EPM2A: variants seen among roughly 807,000 people sequenced by gnomAD.
EPM2A encodes laforin.
EPM2A carries 21 observed loss-of-function variants against 26.5 expected under a neutral mutation model. The observed-to-expected ratio is 0.79, with a 90% CI of 0.56 to 1.14. EPM2A has a LOEUF of 1.14. Ranked by LOEUF, EPM2A falls within the 50% of genes most tolerant of loss-of-function variation. The pLI is 0.00. For missense variants in EPM2A, 458 were observed against 440.8 expected (o/e 1.04, Z -0.35); for synonymous variants, 217 against 177.6 (o/e 1.22, Z -1.76).
At chr6:145,453,188 A>G (rs1779218988) in intron 4 of EPM2A, among the ~76,000 whole-genome samples, 1 of 152,226 alleles carries the variant, frequency 6.6e-6, no homozygotes, top group Non-Finnish European at 1.5e-5. Flanking sequence ...CTCACACATT[A>G]TGCCCAGAAC....
intron 1 of EPM2A, among the ~76,000 whole-genome samples, chr6:145,716,041 C>T (rs1775600866): frequency 6.6e-6 from 1 of 152,212 alleles, no homozygotes; most frequent in Non-Finnish European, 1.5e-5. Context: ...TTAGGGACCA[C>T]TGCTTTAAGT....
intron 2 of EPM2A, among the ~76,000 whole-genome samples, chr6:145,529,365 T>C (rs1011766877): frequency 2.0e-5 from 3 of 152,282 alleles, no homozygotes; most frequent in East Asian, 3.9e-4. Flanking sequence ...CACACTTCAC[T>C]ATTGTCTTAT....
intron 4 of EPM2A, among the ~76,000 whole-genome samples, chr6:145,389,156 C>G (rs912767046): frequency 2.3e-4 from 35 of 151,906 alleles, no homozygotes; most frequent in African/African-American, 7.7e-4. Flanking sequence ...ATGCAACCCC[C>G]TCTTCTCCTC....
intron 4 of EPM2A, among the ~76,000 whole-genome samples, chr6:145,414,677 T>G (rs980623791): frequency 4.6e-5 from 7 of 152,084 alleles, no homozygotes; most frequent in Non-Finnish European, 2.9e-5. Context: ...CATCACCATT[T>G]ACTCTCTGTC....
At chr6:145,541,148 A>T (rs1780503668) in intron 2 of EPM2A, among the ~76,000 whole-genome samples, 1 of 147,888 alleles carries the variant, frequency 6.8e-6, no homozygotes, top group Non-Finnish European at 1.5e-5. Flanking sequence ...ACTAAAAATA[A>T]CTTTTTAACT....
intron 2 of EPM2A, among the ~76,000 whole-genome samples, chr6:145,592,894 AAATAACAAGCTGT>A (rs1264902571): frequency 6.6e-6 from 1 of 152,224 alleles, no homozygotes; most frequent in Non-Finnish European, 1.5e-5. Flanking sequence ...TAAAAGATAT[AAATAACAAGCTGT>A]AATAAATAGA....
chr6:145,491,350 G>A (rs1050451834), intron 4 of EPM2A, among the ~76,000 whole-genome samples: 2 of 152,126 alleles, frequency 1.3e-5, no homozygotes, highest in Non-Finnish European at 2.9e-5. Flanking sequence ...CAGGAGTCAG[G>A]GCAAGTGCTT....
chr6:145,610,457 T>G (rs1321403186), intron 2 of EPM2A, among the ~76,000 whole-genome samples: 1 of 152,214 alleles, frequency 6.6e-6, no homozygotes, highest in Non-Finnish European at 1.5e-5. Flanking sequence ...CTTCAAATAT[T>G]GAAAGACTCT....
intron 2 of EPM2A, among the ~76,000 whole-genome samples, chr6:145,599,260 T>C (rs546678263): frequency 6.6e-6 from 1 of 152,184 alleles, no homozygotes; most frequent in Non-Finnish European, 1.5e-5. Flanking sequence ...TGTATGTCTC[T>C]CAGTTTTGAA....
chr6:145,431,641 T>C (rs1281224071), intron 4 of EPM2A, among the ~76,000 whole-genome samples: 2 of 152,200 alleles, frequency 1.3e-5, no homozygotes, highest in Non-Finnish European at 2.9e-5. Context: ...CGAGTAGTAA[T>C]CTTTTTGCAG....
At chr6:145,503,131 T>C (rs982358990) in intron 2 of EPM2A, among the ~76,000 whole-genome samples, 2 of 152,180 alleles carry the variant, frequency 1.3e-5, no homozygotes, top group African/African-American at 4.8e-5. Flanking sequence ...AATGCTAGCA[T>C]TGATATGATA....
At chr6:145,595,607 G>A (rs1781332550) in intron 2 of EPM2A, among the ~76,000 whole-genome samples, 1 of 151,578 alleles carries the variant, frequency 6.6e-6, no homozygotes, top group Non-Finnish European at 1.5e-5. Flanking sequence ...TTTATTTCAT[G>A]GTTTCATTGC....
intron 2 of EPM2A, among the ~76,000 whole-genome samples, chr6:145,576,084 C>T (rs963531080): frequency 1.3e-5 from 2 of 152,196 alleles, no homozygotes; most frequent in African/African-American, 2.4e-5. Flanking sequence ...GATCCACCCA[C>T]CTTGGCTTCC....
At chr6:145,495,221 C>CCCTT (rs1184389062) in intron 4 of EPM2A, among the ~76,000 whole-genome samples, 3 of 152,048 alleles carry the variant, frequency 2.0e-5, no homozygotes, top group Admixed American at 6.5e-5. Flanking sequence ...CTGAATTGAA[C>CCCTT]CCTTTACCAT....
chr6:145,727,120 G>A (rs1006989985), intron 1 of EPM2A, among the ~76,000 whole-genome samples: 1 of 152,022 alleles, frequency 6.6e-6, no homozygotes, highest in Non-Finnish European at 1.5e-5. Context: ...ACTCAAAAAG[G>A]CATGGAAAGA....
At chr6:145,393,291 C>A (rs964239942) in intron 4 of EPM2A, among the ~76,000 whole-genome samples, 1 of 152,114 alleles carries the variant, frequency 6.6e-6, no homozygotes, top group Non-Finnish European at 1.5e-5. Context: ...TAAGCAGAAT[C>A]AGGGGCTTTC....
At chr6:145,505,422 T>C (rs1582807332) in intron 2 of EPM2A, among the ~76,000 whole-genome samples, 1 of 152,034 alleles carries the variant, frequency 6.6e-6, no homozygotes, top group African/African-American at 2.4e-5. Flanking sequence ...TGTATGTATA[T>C]ATACGTACAA....
chr6:145,448,299 A>G (rs577801928), intron 4 of EPM2A, among the ~76,000 whole-genome samples: 1 of 152,196 alleles, frequency 6.6e-6, no homozygotes, highest in Admixed American at 6.5e-5. Context: ...AGCATTTTCT[A>G]TCTCATTACC....
At chr6:145,423,679 C>CTTGCCTT (rs879911190) in intron 4 of EPM2A, among the ~76,000 whole-genome samples, 6 of 152,172 alleles carry the variant, frequency 3.9e-5, no homozygotes, top group Admixed American at 2.6e-4. Flanking sequence ...TCCCGGTGAC[C>CTTGCCTT]TTGCCAATGT....
Sources: allele counts gnomAD v4.1 joint callset (sites outside exome capture counted in the v4.1 genomes callset), GRCh38; gene constraint gnomAD v4.1.1; transcripts MANE v1.5; gene names NCBI Gene and HGNC (gene_info 2026-07-23, HGNC 2026-07-21).